The following ADGRL2 variants were observed in gnomAD, a reference collection of about 807,000 sequenced individuals.
ADGRL2 encodes the protein calcium-independent alpha-latrotoxin receptor 2.
ADGRL2 carries 44 observed loss-of-function variants against 157.4 expected under a neutral mutation model. The ratio of observed to expected loss-of-function variants is 0.28; its 90% CI spans 0.22 to 0.36. ADGRL2 has a LOEUF of 0.36. ADGRL2 is among the 10% of genes least tolerant of loss of function. The pLI, the probability that ADGRL2 is intolerant of heterozygous loss-of-function variation, is 1.00. For synonymous variants in ADGRL2, 585 were observed against 624.7 expected, an observed-to-expected ratio of 0.94 and a Z score of 0.95; for missense variants, 1,510 against 1,768.9, an observed-to-expected ratio of 0.85 and a Z score of 2.63.
At chr1:81,396,616 T>A (rs2076659617) in intron 1 of ADGRL2, among the ~76,000 whole-genome samples, 1 of 152,188 alleles carries the variant, frequency 6.6e-6, no homozygotes, top group African/African-American at 2.4e-5. Flanking sequence ...TCAGTTCAGA[T>A]GTTAACTGTG....
intron 1 of ADGRL2, among the ~76,000 whole-genome samples, chr1:81,314,117 G>T (rs1659945139): frequency 6.6e-6 from 1 of 152,232 alleles, no homozygotes; most frequent in Middle Eastern, 3.4e-3. Flanking sequence ...CAACCCCCTG[G>T]TGTTAATCAT....
At chr1:81,767,948 A>G (rs974331044) in intron 2 of ADGRL2, among the ~76,000 whole-genome samples, 1 of 152,164 alleles carries the variant, frequency 6.6e-6, no homozygotes, top group South Asian at 2.1e-4. Context: ...TATTGTACAC[A>G]GTAACAATGT....
intron 1 of ADGRL2, among the ~76,000 whole-genome samples, chr1:81,716,646 A>G (rs2084127191): frequency 6.6e-6 from 1 of 152,152 alleles, no homozygotes; most frequent in Non-Finnish European, 1.5e-5. Flanking sequence ...TAAAAGAGCT[A>G]TACACCACCA....
At chr1:81,363,983 C>CT (rs771061560) in intron 1 of ADGRL2, among the ~76,000 whole-genome samples, 11 of 152,086 alleles carry the variant, frequency 7.2e-5, no homozygotes, top group Non-Finnish European at 1.0e-4. Flanking sequence ...CTGCAAATGA[C>CT]TTTTTTGTGG....
At chr1:81,633,405 G>A (rs1361030488) in intron 3 of ADGRL2, among the ~76,000 whole-genome samples, 1 of 151,588 alleles carries the variant, frequency 6.6e-6, no homozygotes, top group Non-Finnish European at 1.5e-5. Flanking sequence ...ACACCAGCTG[G>A]GCCAACATGG....
chr1:81,562,809 T>C, intron 2 of ADGRL2, among the ~76,000 whole-genome samples: 1 of 152,250 alleles, frequency 6.6e-6, no homozygotes, highest in East Asian at 1.9e-4. Flanking sequence ...TTGTTTAATT[T>C]CTAAATCCAA....
intron 3 of ADGRL2, among the ~76,000 whole-genome samples, chr1:81,659,015 G>A (rs1273049529): frequency 5.5e-5 from 8 of 146,158 alleles, no homozygotes; most frequent in Non-Finnish European, 1.2e-4. Context: ...GCCTCCCAAA[G>A]TGCTGGGTTT....
intron 1 of ADGRL2, among the ~76,000 whole-genome samples, chr1:81,714,155 G>A (rs1325884284): frequency 2.0e-5 from 3 of 152,122 alleles, no homozygotes; most frequent in African/African-American, 4.8e-5. Flanking sequence ...CATGACATGT[G>A]GGGATTATGG....
chr1:81,913,539 G>T (rs993839461), intron 3 of ADGRL2, among the ~76,000 whole-genome samples: 1 of 152,186 alleles, frequency 6.6e-6, no homozygotes, highest in Non-Finnish European at 1.5e-5. Context: ...CTCTGTAGGG[G>T]ATGGGAGAGT....
chr1:81,406,458 C>T (rs950434652), intron 1 of ADGRL2, among the ~76,000 whole-genome samples: 3 of 152,222 alleles, frequency 2.0e-5, no homozygotes, highest in East Asian at 1.9e-4. Flanking sequence ...TGGTACAGAA[C>T]GTCCCAAGGA....
At chr1:81,787,125 G>C (rs557732718) in intron 2 of ADGRL2, among the ~76,000 whole-genome samples, 1 of 151,946 alleles carries the variant, frequency 6.6e-6, no homozygotes, top group Non-Finnish European at 1.5e-5. Flanking sequence ...TTCACCTCCC[G>C]CCATGATTCT....
intron 2 of ADGRL2, among the ~76,000 whole-genome samples, chr1:81,548,293 T>G (rs891653600): frequency 1.3e-5 from 2 of 152,154 alleles, no homozygotes; most frequent in Middle Eastern, 6.8e-3. Context: ...TACTAAAGGG[T>G]CATAATTGAC....
intron 2 of ADGRL2, among the ~76,000 whole-genome samples, chr1:81,467,898 TAA>T (rs959807410): frequency 6.6e-6 from 1 of 151,460 alleles, no homozygotes; most frequent in Non-Finnish European, 1.5e-5. Context: ...CTTTTCAAAT[TAA>T]AAAAAAATCA....
chr1:81,617,947 G>C (rs1188636358), intron 3 of ADGRL2, among the ~76,000 whole-genome samples: 1 of 152,136 alleles, frequency 6.6e-6, no homozygotes, highest in African/African-American at 2.4e-5. Context: ...CAACACCCCA[G>C]GGCATAACCT....
intron 2 of ADGRL2, among the ~76,000 whole-genome samples, chr1:81,564,027 C>A (rs2080503877): frequency 6.6e-6 from 1 of 152,162 alleles, no homozygotes; most frequent in Non-Finnish European, 1.5e-5. Flanking sequence ...TCCTCCTTAT[C>A]TTAGAGGTAG....
At chr1:81,930,072 T>A (rs1423891009) in intron 3 of ADGRL2, among the ~76,000 whole-genome samples, 1 of 152,156 alleles carries the variant, frequency 6.6e-6, no homozygotes, top group Non-Finnish European at 1.5e-5. Context: ...ACACTAATCT[T>A]CCCAATTATC....
chr1:81,478,315 TGATTCTGCA>T (rs1448271972), intron 2 of ADGRL2, among the ~76,000 whole-genome samples: 1 of 152,200 alleles, frequency 6.6e-6, no homozygotes, highest in East Asian at 1.9e-4. Flanking sequence ...GGGCTCTAGA[TGATTCTGCA>T]GAGGCCACTG....
chr1:81,365,684 CAAG>C (rs375859782), intron 1 of ADGRL2, among the ~76,000 whole-genome samples: 58 of 152,318 alleles, frequency 3.8e-4, no homozygotes, highest in African/African-American at 1.3e-3. Flanking sequence ...ACCATACCCA[CAAG>C]CATGATTGGG....
chr1:81,525,820 T>G (rs2079441522), intron 2 of ADGRL2, among the ~76,000 whole-genome samples: 1 of 151,644 alleles, frequency 6.6e-6, no homozygotes, highest in Non-Finnish European at 1.5e-5. Context: ...GGCTTAAATG[T>G]TCTACCTTTT....
Sources: gnomAD v4.1 joint callset for allele counts (sites outside exome capture counted in the v4.1 genomes callset) on GRCh38, gnomAD v4.1.1 for gene constraint, MANE v1.5 for transcripts, NCBI Gene and HGNC (gene_info 2026-07-23, HGNC 2026-07-21) for gene names.